RCBTB2: variants seen among roughly 807,000 people sequenced by gnomAD.
The protein encoded by RCBTB2 is RCC1 and BTB domain-containing protein 2.
A neutral mutation model predicts 65.4 loss-of-function variants in RCBTB2; 55 were observed. The observed-to-expected ratio is 0.84, with a 90% CI of 0.68 to 1.05. The LOEUF (loss-of-function observed/expected upper bound fraction) is 1.05. Among genes scored for constraint, RCBTB2 ranks in the 50% least tolerant of loss-of-function variants. RCBTB2 has a pLI of 0.00. For missense variants in RCBTB2, 599 were observed against 680.1 expected (o/e 0.88, Z 1.33); for synonymous variants, 220 against 255.2 (o/e 0.86, Z 1.31).
rs72514717 is a variant in RCBTB2 at position 48,502,951 on chromosome 13, C to CT, written c.927-38_927-37insA. ...AACACACACCACATAAGCACAGTGA[C>CT]CGGGGCAGAAACAAGTTGGGTCCTC... On this transcript the variant is annotated intron_variant, in intron 10 of 14. Coordinates refer to ENST00000344532, the MANE Select transcript of RCBTB2 (RefSeq NM_001268.4). 16 of 1,494,900 alleles carry CT rather than the reference C, an allele frequency of 1.1e-5. No homozygotes were observed. In the South Asian group the frequency reaches 2.0e-4, roughly 18 times the overall value. 92.6% of individuals were successfully genotyped at this position (1,494,900 alleles called of 1,614,324 possible).
chr13:48,526,791 C>T (rs1593808330), intron 1 of RCBTB2, among the ~76,000 whole-genome samples: 1 of 151,986 alleles, frequency 6.6e-6, no homozygotes, highest in East Asian at 1.9e-4. Context: ...GAGTGTGTAC[C>T]TGTAGTCCCA....
intron 1 of RCBTB2, among the ~76,000 whole-genome samples, chr13:48,531,152 T>C (rs778565965): frequency 1.3e-5 from 2 of 152,230 alleles, no homozygotes; most frequent in Non-Finnish European, 2.9e-5. Context: ...GAATGTAAGC[T>C]CCAGAGGGAA....
chr13:48,518,299 T>G (rs545194499), intron 4 of RCBTB2, among the ~76,000 whole-genome samples: 1 of 152,084 alleles, frequency 6.6e-6, no homozygotes, highest in South Asian at 2.1e-4. Flanking sequence ...TGATGCCAAA[T>G]CTAGTCATGT....
chr13:48,522,408 A>G lies in RCBTB2; in HGVS notation c.-119-5T>C, dbSNP rs769661503. The G allele has an allele frequency of 2.0e-5, 19 of 932,314 alleles. No homozygotes were observed. Among genetic ancestry groups the G allele is most frequent in the African/African-American group, 3.6e-5 (2 of 56,282 alleles). 57.8% of individuals were successfully genotyped at this position (932,314 alleles called of 1,614,324 possible). On this transcript the variant is annotated splice_region_variant and splice_polypyrimidine_tract_variant and intron_variant, in intron 2 of 14. Transcript: ENST00000344532. The stretch of plus-strand genomic sequence containing the variant: ...AAGAATATATGATTTGCTAAGCTGG[A>G]AAAAAAAAAGGAGAAATGAATGAAA...
At chr13:48,515,401 A>T in intron 5 of RCBTB2, 46 bp from the exon 6 acceptor site, 1 of 1,568,228 alleles carries the variant, frequency 6.4e-7, no homozygotes, top group Non-Finnish European at 8.7e-7. Flanking sequence ...ATTTCTAACA[A>T]ATCTATAAAT....
At position 48,521,887 on chromosome 13, in the gene RCBTB2, T is replaced by A. The variant is rs9331968; in HGVS notation, c.42+11A>T. 7.6e-3 allele frequency: 12,299 copies of A among 1,613,370 alleles called. 66 individuals carry two copies. Among genetic ancestry groups the A allele is most frequent in the Non-Finnish European group, 9.1e-3 (10,703 of 1,179,478 alleles). On this transcript the variant is annotated intron_variant, in intron 4 of 14. Coordinates refer to ENST00000344532, the MANE Select transcript of RCBTB2 (RefSeq NM_001268.4). ...AACACACATGCTCCAAGGGCATGAT[T>A]TTTTTCTAACCTTGCCACTGTCTCC...
rs898182272 is a variant in RCBTB2, at chr13:48,530,477, C to T, written c.-219+2551G>A. Among the ~76,000 whole-genome samples the T allele has an allele frequency of 5.9e-5, 9 of 152,218 alleles. No homozygotes were observed. The South Asian group carries it at 1.9e-3, about 31-fold the overall frequency. ...CCATCACCCTCTTTCTCTAAGCCTT[C>T]TTTAATTATGGATTGAAATTTAGTT... is the stretch of plus-strand genomic sequence containing the variant. On this transcript the variant is annotated intron_variant, in intron 1 of 14. Coordinates refer to ENST00000344532, the MANE Select transcript of RCBTB2 (RefSeq NM_001268.4).
intron 5 of RCBTB2, 100 bp downstream of exon 5, chr13:48,515,486 T>C: frequency 8.0e-7 from 1 of 1,248,390 alleles, no homozygotes; most frequent in Non-Finnish European, 1.1e-6. Flanking sequence ...TTTCCATGCT[T>C]TTTTTTTTAA....
chr13:48,512,242 T>A (rs1028491539), intron 7 of RCBTB2, 68 bp from the exon 8 acceptor site: 1 of 1,388,738 alleles, frequency 7.2e-7, no homozygotes, highest in East Asian at 2.3e-5. Context: ...GACACTGACA[T>A]GTACTTGTGG....
chr13:48,513,988 A>C (rs893646094), intron 6 of RCBTB2, among the ~76,000 whole-genome samples: 1 of 152,272 alleles, frequency 6.6e-6, no homozygotes, highest in African/African-American at 2.4e-5. Context: ...AACAATAACT[A>C]ATAATCAAAG....
chr13:48,533,181 G>A, upstream of RCBTB2: 1 of 369,386 alleles, frequency 2.7e-6, no homozygotes, highest in Non-Finnish European at 5.4e-6. Context: ...GGAAACGAAG[G>A]GAGCGCAGAC....
rs763774869 is a variant in RCBTB2 at position 48,510,683 on chromosome 13, G to A, written c.872C>T (p.Thr291Ile). 2 of 1,614,132 alleles carry A rather than the reference G, an allele frequency of 1.2e-6. No homozygotes were observed. The highest frequency in any genetic ancestry group is 1.7e-5 in the Admixed American group (1 of 60,016). ...ATAGGACTGGTTGCTTTTATTGCCA[G>A]TGCCCAACTGCCCATAAGAATTGGC... The part of the protein sequence containing the change: ...WGANSYGQLG[T>I]GNKSNQSYPT... Residue 291 changes from threonine to isoleucine, a missense_variant, in exon 10 of 15, where the codon ACT (threonine) becomes ATT (isoleucine). Transcript: ENST00000344532.
At position 48,522,459 on chromosome 13, in the gene RCBTB2, T is replaced by C. The variant is rs1951483179; in HGVS notation, c.-119-56A>G. On this transcript the variant is annotated intron_variant, in intron 2 of 14. Coordinates refer to ENST00000344532, the MANE Select transcript of RCBTB2 (RefSeq NM_001268.4). ...ATGATGAAAAAAATGAATGAATGAA[T>C]GTGGCTTTGTTATTCTGGACTTAAT... The C allele has an allele frequency of 4.9e-6, 4 of 815,048 alleles. No individual in the cohort carries two copies. In the East Asian group the frequency reaches 1.1e-4, roughly 22 times the overall value. The allele number at this position is 815,048 out of a possible 1,614,324, so 50.5% of individuals were successfully genotyped here.
intron 14 of RCBTB2, among the ~76,000 whole-genome samples, chr13:48,491,958 T>G (rs1054711267): frequency 5.3e-5 from 8 of 152,282 alleles, no homozygotes; most frequent in African/African-American, 9.6e-5. Context: ...ATTTTTCAGT[T>G]AAAGAATTGT....
At chr13:48,530,225 T>G (rs1428056700) in intron 1 of RCBTB2, among the ~76,000 whole-genome samples, 1 of 152,140 alleles carries the variant, frequency 6.6e-6, no homozygotes, top group Non-Finnish European at 1.5e-5. Context: ...TAAATCCAAG[T>G]AAACCTCAAC....
intron 4 of RCBTB2, among the ~76,000 whole-genome samples, chr13:48,519,781 G>A (rs554967277): frequency 2.0e-5 from 3 of 152,318 alleles, no homozygotes; most frequent in South Asian, 2.1e-4. Flanking sequence ...GCTGTTGGAA[G>A]TTAGTCATCA....
intron 14 of RCBTB2, among the ~76,000 whole-genome samples, chr13:48,493,313 A>ACT (rs1213235186): frequency 2.6e-3 from 157 of 60,116 alleles, no homozygotes; most frequent in South Asian, 0.013. Context: ...ACACACACAC[A>ACT]CACTCTCTCT....
At chr13:48,506,414 A>C (rs918862151) in intron 10 of RCBTB2, among the ~76,000 whole-genome samples, 1 of 152,244 alleles carries the variant, frequency 6.6e-6, no homozygotes, top group African/African-American at 2.4e-5. Context: ...AGTGGTGTGC[A>C]AGACAGGCTG....
In RCBTB2 at chr13:48,522,289, G is replaced by C; in HGVS notation, c.-24+19C>G. ...TTTCAGAGTTGACTTCCTGTGATAA[G>C]GAAAAATAAATTTTAGACCTTTGTC... is the stretch of plus-strand genomic sequence containing the variant. On this transcript the variant is annotated intron_variant, in intron 3 of 14. Transcript: ENST00000344532. 1 of 1,466,636 alleles carries C rather than the reference G, an allele frequency of 6.8e-7. No homozygotes were observed. The highest frequency in any genetic ancestry group is 9.2e-7 in the Non-Finnish European group (1 of 1,084,394). The allele number at this position is 1,466,636 out of a possible 1,614,324, so 90.9% of individuals were successfully genotyped here. A position where few individuals can be genotyped will look rare whatever the true frequency, so the allele number is the denominator to read the frequency against.
Sources: gnomAD v4.1 joint callset for allele counts (sites outside exome capture counted in the v4.1 genomes callset) on GRCh38, gnomAD v4.1.1 for gene constraint, MANE v1.5 for transcripts, NCBI Gene and HGNC (gene_info 2026-07-23, HGNC 2026-07-21) for gene names.